The following EBF3 variants were observed in gnomAD, a reference collection of about 807,000 sequenced individuals.
EBF3 encodes transcription factor COE3.
A neutral mutation model predicts 77.1 loss-of-function variants in EBF3; 18 were observed. That is an observed-to-expected ratio of 0.23 (90% CI 0.16 to 0.35). EBF3 has a LOEUF of 0.35. Among genes scored for constraint, EBF3 ranks in the 10% least tolerant of loss-of-function variants. The pLI is 1.00. For synonymous variants in EBF3, 350 were observed against 343.5 expected, an observed-to-expected ratio of 1.02 and a Z score of -0.21; for missense variants, 558 against 860.0, an observed-to-expected ratio of 0.65 and a Z score of 4.39.
At position 129,842,394 on chromosome 10, in the gene EBF3, C is replaced by T; in HGVS notation, c.1195-101G>A. Reference sequence around the variant, plus strand: ...ATGGTGGCATCCCACTGTCCCTTGCCCAGACCATGACCAAATCTATTTCTT... The same window carrying T: ...ATGGTGGCATCCCACTGTCCCTTGCTCAGACCATGACCAAATCTATTTCTT... On this transcript the variant is annotated intron_variant, in intron 12 of 16. Coordinates refer to ENST00000440978, the MANE Select transcript of EBF3 (RefSeq NM_001375380.1). The surrounding 1 kb of genome is among the most constrained non-coding windows in gnomAD (Gnocchi z 4.4). The T allele has an allele frequency of 7.3e-7, 1 of 1,361,600 alleles. No homozygotes were observed. The highest frequency in any genetic ancestry group is 9.9e-7 in the Non-Finnish European group (1 of 1,011,646). The allele number at this position is 1,361,600 out of a possible 1,614,324, so 84.3% of individuals were successfully genotyped here.
At chr10:129,950,180 T>C (rs949670501) in intron 6 of EBF3, among the ~76,000 whole-genome samples, 3 of 152,294 alleles carry the variant, frequency 2.0e-5, no homozygotes, top group Non-Finnish European at 4.4e-5. Context: ...CTGGGCTCCA[T>C]GTCCTACAAC....
intron 8 of EBF3, among the ~76,000 whole-genome samples, chr10:129,868,533 C>CT (rs1852187158): frequency 6.6e-6 from 1 of 152,228 alleles, no homozygotes; most frequent in South Asian, 2.1e-4. Context: ...CTCTCTTTGT[C>CT]TCGGGAGCTC....
Position 129,837,767 on chromosome 10 carries a change from A to G in EBF3, c.*176T>C, listed in dbSNP as rs923356620. On this transcript the variant is annotated 3_prime_UTR_variant, in exon 17 of 17. Transcript: ENST00000440978. ...GTAGGCTGTTTGCATGTTGATTCTT[A>G]ATAGTTTAAATAAAATCTTTAAACA... 1.3e-6 allele frequency: 1 copy of G among 751,662 alleles called. No individual in the cohort carries two copies. The highest frequency in any genetic ancestry group is 2.7e-5 in the Admixed American group (1 of 37,480). 46.6% of individuals were successfully genotyped at this position (751,662 alleles called of 1,614,324 possible).
rs945826916 is a variant in EBF3, at chr10:129,841,864, T to A, written c.1372+252A>T. ...CACATTGAGGGAAACTTCTAGCAAA[T>A]ACCAGTGACCCGCATGGCATCCATT... On this transcript the variant is annotated intron_variant, in intron 13 of 16. Coordinates refer to ENST00000440978, the MANE Select transcript of EBF3 (RefSeq NM_001375380.1). The surrounding 1 kb of genome is among the most constrained non-coding windows in gnomAD (Gnocchi z 4.6). 6.6e-6 allele frequency among the ~76,000 whole-genome samples: 1 copy of A among 152,068 alleles called. No homozygotes were observed. Among genetic ancestry groups the A allele is most frequent in the Non-Finnish European group, 1.5e-5 (1 of 68,012 alleles).
intron 6 of EBF3, among the ~76,000 whole-genome samples, chr10:129,878,661 CAAAA>C (rs538628576): frequency 2.9e-5 from 1 of 34,846 alleles, no homozygotes; most frequent in African/African-American, 1.3e-4. Context: ...GGCTCTGTCT[CAAAA>C]AAAAAAAAAA....
At chr10:129,936,755 T>G (rs1394503464) in intron 6 of EBF3, among the ~76,000 whole-genome samples, 1 of 143,140 alleles carries the variant, frequency 7.0e-6, no homozygotes, top group Non-Finnish European at 1.5e-5. Context: ...CCCTCAGCTG[T>G]GTGGGGACCC....
intron 6 of EBF3, among the ~76,000 whole-genome samples, chr10:129,934,390 G>A (rs866304910): frequency 1.3e-5 from 2 of 152,116 alleles, no homozygotes; most frequent in Non-Finnish European, 2.9e-5. Context: ...GGGGTCAGGC[G>A]TCATCTGTCC....
At chr10:129,962,872 T>C (rs1859633136) in intron 3 of EBF3, 70 bp downstream of exon 3, 24 of 1,559,112 alleles carry the variant, frequency 1.5e-5, no homozygotes, top group African/African-American at 2.7e-5. Flanking sequence ...CAAATCTTTA[T>C]GTCCTTTCAC....
At chr10:129,956,341 T>C (rs976749706) in intron 6 of EBF3, among the ~76,000 whole-genome samples, 2 of 152,244 alleles carry the variant, frequency 1.3e-5, no homozygotes, top group Non-Finnish European at 2.9e-5. Flanking sequence ...TGGTGTCATA[T>C]GTACACGTCT....
At chr10:129,950,177 C>T (rs984202324) in intron 6 of EBF3, among the ~76,000 whole-genome samples, 2 of 152,182 alleles carry the variant, frequency 1.3e-5, no homozygotes, top group African/African-American at 4.8e-5. Flanking sequence ...GGCCTGGGCT[C>T]CATGTCCTAC....
intron 10 of EBF3, among the ~76,000 whole-genome samples, chr10:129,866,144 T>C (rs11016983): frequency 0.019 from 2,837 of 152,308 alleles, 37 homozygotes; most frequent in Middle Eastern, 0.048. Flanking sequence ...TGTTTTGAGA[T>C]AGGGTCTTGC....
At chr10:129,850,582 G>A (rs951547647) in intron 10 of EBF3, among the ~76,000 whole-genome samples, 2 of 152,194 alleles carry the variant, frequency 1.3e-5, no homozygotes, top group Admixed American at 6.5e-5. Flanking sequence ...AAGGGGCTGG[G>A]GCTGCCATTC....
In EBF3 at chr10:129,842,584, C is replaced by T. The variant is rs1430222017; in HGVS notation, c.1195-291G>A. Reference sequence around the variant, plus strand: ...TTCAAGACCAGCCTGGCCAACATGGCGAAATCCCATCTCTAATGAAAATAC... The same window carrying T: ...TTCAAGACCAGCCTGGCCAACATGGTGAAATCCCATCTCTAATGAAAATAC... On this transcript the variant is annotated intron_variant, in intron 12 of 16. Coordinates refer to ENST00000440978, the MANE Select transcript of EBF3 (RefSeq NM_001375380.1). This position sits in a 1 kb window ranked among gnomAD's most constrained non-coding sequence, Gnocchi z 4.4. Among the ~76,000 whole-genome samples, 2 of 151,936 alleles carry T rather than the reference C, an allele frequency of 1.3e-5. No individual in the cohort carries two copies. Among genetic ancestry groups the T allele is most frequent in the African/African-American group, 2.4e-5 (1 of 41,352 alleles).
At chr10:129,876,015 A>T (rs1852748397) in intron 7 of EBF3, among the ~76,000 whole-genome samples, 1 of 152,272 alleles carries the variant, frequency 6.6e-6, no homozygotes, top group African/African-American at 2.4e-5. Flanking sequence ...AAGAAACATG[A>T]AAAAGTAAAA....
At position 129,841,090 on chromosome 10, in the gene EBF3, G is replaced by T. The variant is rs928818195; in HGVS notation, c.1373-58C>A. ...ATTATTATCAGCGACAGACACTTGGGGGGGGTTCCCCGAGAATCTATATCA... is the reference window on the plus strand; with the variant it reads ...ATTATTATCAGCGACAGACACTTGGTGGGGGTTCCCCGAGAATCTATATCA... On this transcript the variant is annotated intron_variant, in intron 13 of 16. Transcript: ENST00000440978. This position sits in a 1 kb window ranked among gnomAD's most constrained non-coding sequence, Gnocchi z 4.6. 4.4e-6 allele frequency: 7 copies of T among 1,587,792 alleles called. No homozygotes were observed. Among genetic ancestry groups the T allele is most frequent in the Non-Finnish European group, 6.0e-6 (7 of 1,168,110 alleles).
intron 5 of EBF3, 96 bp from the exon 6 acceptor site, chr10:129,957,422 G>T (rs924668023): frequency 1.1e-5 from 11 of 1,023,328 alleles, no homozygotes; most frequent in African/African-American, 3.3e-5. Context: ...ACAATGAAGC[G>T]GTAGGAGTCA....
chr10:129,896,623 C>T (rs1265544108), intron 6 of EBF3, among the ~76,000 whole-genome samples: 1 of 152,246 alleles, frequency 6.6e-6, no homozygotes, highest in African/African-American at 2.4e-5. Context: ...GGCGAGCCTC[C>T]CGGAGGCGGT....
At chr10:129,892,953 C>A (rs1310005893) in intron 6 of EBF3, among the ~76,000 whole-genome samples, 1 of 152,256 alleles carries the variant, frequency 6.6e-6, no homozygotes, top group African/African-American at 2.4e-5. Context: ...TTCCCATGCT[C>A]GTCATGAAGT....
rs2134664945 is a variant in EBF3 at position 129,964,092 on chromosome 10, C to T, written c.-324G>A. The T allele has an allele frequency of 1.0e-6, 1 of 985,168 alleles. No individual in the cohort carries two copies. The allele number at this position is 985,168 out of a possible 1,614,324, so 61.0% of individuals were successfully genotyped here. ...TGGTGTCATCCTAGCCAGGCGGCGTCCGCGGCTGCAGGACACTGCGGGATC... is the reference window on the plus strand; with the variant it reads ...TGGTGTCATCCTAGCCAGGCGGCGTTCGCGGCTGCAGGACACTGCGGGATC... On this transcript the variant is annotated 5_prime_UTR_variant, in exon 1 of 17. Coordinates refer to ENST00000440978, the MANE Select transcript of EBF3 (RefSeq NM_001375380.1). The surrounding 1 kb of genome is among the most constrained non-coding windows in gnomAD (Gnocchi z 4.5).
Sources: gnomAD v4.1 joint callset for allele counts (sites outside exome capture counted in the v4.1 genomes callset) on GRCh38, gnomAD v4.1.1 for gene constraint, Gnocchi (gnomAD v3.1) non-coding constraint, MANE v1.5 for transcripts, NCBI Gene and HGNC (gene_info 2026-07-23, HGNC 2026-07-21) for gene names.